CACNA2D3: variants seen among roughly 807,000 people sequenced by gnomAD.
CACNA2D3 encodes voltage-dependent calcium channel subunit alpha-2/delta-3.
A neutral mutation model predicts 160.6 loss-of-function variants in CACNA2D3; 60 were observed. The observed-to-expected ratio is 0.37, with a 90% CI of 0.30 to 0.46. The LOEUF (loss-of-function observed/expected upper bound fraction) is 0.46. Among genes scored for constraint, CACNA2D3 ranks in the 20% least tolerant of loss-of-function variants. The pLI is 1.00. For synonymous variants in CACNA2D3, 558 were observed against 492.9 expected, an observed-to-expected ratio of 1.13 and a Z score of -1.75; for missense variants, 1,205 against 1,365.0, an observed-to-expected ratio of 0.88 and a Z score of 1.85.
intron 16 of CACNA2D3, among the ~76,000 whole-genome samples, chr3:54,845,893 T>C (rs1458475773): frequency 6.6e-6 from 1 of 152,144 alleles, no homozygotes; most frequent in Non-Finnish European, 1.5e-5. Context: ...ACACTTTATA[T>C]TTGAAGAATT....
chr3:54,615,041 C>T (rs888417798), intron 9 of CACNA2D3, among the ~76,000 whole-genome samples: 3 of 152,258 alleles, frequency 2.0e-5, no homozygotes, highest in East Asian at 1.9e-4. Context: ...AAGAAATGAA[C>T]GGCAGCTAAC....
At chr3:54,750,177 T>A (rs34478567) in intron 11 of CACNA2D3, among the ~76,000 whole-genome samples, 24,112 of 152,230 alleles carry the variant, frequency 0.16, 2,153 homozygotes, top group Non-Finnish European at 0.2. Context: ...CCAAGAGAAC[T>A]CAGTTTATAT....
At chr3:54,759,753 G>C (rs1054326160) in intron 12 of CACNA2D3, among the ~76,000 whole-genome samples, 1 of 152,102 alleles carries the variant, frequency 6.6e-6, no homozygotes, top group African/African-American at 2.4e-5. Flanking sequence ...GCTACAATAC[G>C]CAAATAGCCC....
chr3:54,572,077 TG>T (rs67536241), intron 8 of CACNA2D3, among the ~76,000 whole-genome samples: 53,920 of 151,892 alleles, frequency 0.35, 10,597 homozygotes, highest in Middle Eastern at 0.48. Context: ...GGCTGCCTTC[TG>T]CATAGGCGTG....
intron 29 of CACNA2D3, among the ~76,000 whole-genome samples, chr3:54,983,469 C>T (rs1164105783): frequency 1.3e-5 from 2 of 152,218 alleles, no homozygotes; most frequent in African/African-American, 4.8e-5. Flanking sequence ...AGGCCAAGAG[C>T]TTCTTCAAAT....
intron 11 of CACNA2D3, among the ~76,000 whole-genome samples, chr3:54,679,292 A>G (rs1466634955): frequency 1.3e-5 from 2 of 152,112 alleles, no homozygotes; most frequent in African/African-American, 4.8e-5. Flanking sequence ...TGCTCTAGGC[A>G]TTTTCTTGGG....
chr3:54,368,235 C>T (rs189492605), intron 3 of CACNA2D3, among the ~76,000 whole-genome samples: 1 of 152,110 alleles, frequency 6.6e-6, no homozygotes. Context: ...TTTGGAAGGC[C>T]GAGGTGGGAG....
At chr3:54,869,204 T>C (rs1699469543) in intron 17 of CACNA2D3, among the ~76,000 whole-genome samples, 1 of 152,226 alleles carries the variant, frequency 6.6e-6, no homozygotes, top group African/African-American at 2.4e-5. Context: ...TGAAATAACA[T>C]GAGGCTTAGA....
At chr3:54,822,779 TTTCTTTCTTTCC>T (rs1425922937) in intron 14 of CACNA2D3, among the ~76,000 whole-genome samples, 99 of 88,004 alleles carry the variant, frequency 1.1e-3, no homozygotes, top group African/African-American at 3.6e-3. Flanking sequence ...TCTTTCTTTC[TTTCTTTCTTTCC>T]TTTCTTTCTT....
At chr3:54,252,966 C>A (rs1461833676) in intron 2 of CACNA2D3, among the ~76,000 whole-genome samples, 1 of 152,214 alleles carries the variant, frequency 6.6e-6, no homozygotes. Context: ...CCCACACTTT[C>A]AGAGACTTTG....
Position 55,074,227 on chromosome 3 carries a change from T to TGGC in CACNA2D3, c.*21_*22insGGC. 5.0e-6 allele frequency: 5 copies of TGGC among 1,004,250 alleles called. No individual in the cohort carries two copies. The highest frequency in any genetic ancestry group is 7.2e-6 in the Non-Finnish European group (5 of 695,558). 62.2% of individuals were successfully genotyped at this position (1,004,250 alleles called of 1,614,324 possible). A position where few individuals can be genotyped will look rare whatever the true frequency, so the allele number is the denominator to read the frequency against. On this transcript the variant is annotated 3_prime_UTR_variant, in exon 38 of 38. Coordinates refer to ENST00000474759, the MANE Select transcript of CACNA2D3 (RefSeq NM_018398.3). ...GGTGACACTGACTGAGATGTTCTCT[T>TGGC]ACTGACTGAGATGTTCTCTTGGCAT...
intron 12 of CACNA2D3, among the ~76,000 whole-genome samples, chr3:54,762,516 G>T (rs114043677): frequency 2.2e-4 from 33 of 152,312 alleles, no homozygotes; most frequent in Admixed American, 1.4e-3. Context: ...AGGCCCCAGG[G>T]GGGGCAGGGG....
chr3:54,816,218 C>T lies in CACNA2D3; in HGVS notation c.1381-635C>T, dbSNP rs79309440. ...CTTCCTTAACCATCAATAAAGGGAA[C>T]AGTTAATGTGCTACAAAGCAAGAAA... On this transcript the variant is annotated intron_variant, in intron 13 of 37. Transcript: ENST00000474759. Among the ~76,000 whole-genome samples the T allele has an allele frequency of 3.8e-3, 575 of 152,226 alleles. 4 individuals are homozygous for T. Among genetic ancestry groups the T allele is most frequent in the African/African-American group, 0.012 (505 of 41,534 alleles).
intron 4 of CACNA2D3, among the ~76,000 whole-genome samples, chr3:54,489,287 A>T (rs767935279): frequency 8.5e-5 from 13 of 152,170 alleles, no homozygotes; most frequent in Non-Finnish European, 1.3e-4. Context: ...AGGGGCCCAA[A>T]GTGGGTGCTG....
chr3:54,393,813 A>T (rs558932389), intron 4 of CACNA2D3, among the ~76,000 whole-genome samples: 2 of 152,350 alleles, frequency 1.3e-5, no homozygotes, highest in Admixed American at 1.3e-4. Context: ...ACCTTGCCCT[A>T]CTGGCTGAAG....
intron 11 of CACNA2D3, among the ~76,000 whole-genome samples, chr3:54,743,078 G>A (rs1381827260): frequency 6.6e-6 from 1 of 152,180 alleles, no homozygotes; most frequent in Non-Finnish European, 1.5e-5. Context: ...ATAAATTCAA[G>A]TATGTCCCAT....
intron 4 of CACNA2D3, among the ~76,000 whole-genome samples, chr3:54,456,814 T>C: frequency 6.6e-6 from 1 of 152,004 alleles, no homozygotes. Context: ...TATTTCTTCT[T>C]GGCAAAATCT....
chr3:54,657,229 C>G (rs920091318), intron 11 of CACNA2D3, among the ~76,000 whole-genome samples: 1 of 152,054 alleles, frequency 6.6e-6, no homozygotes, highest in Admixed American at 6.6e-5. Flanking sequence ...GGCAGGAACC[C>G]GCGGTCTGGA....
chr3:54,861,413 G>T (rs1304790535), intron 17 of CACNA2D3, among the ~76,000 whole-genome samples: 1 of 152,170 alleles, frequency 6.6e-6, no homozygotes, highest in African/African-American at 2.4e-5. Context: ...ACAGTGAGAG[G>T]CAGGGAGTGG....
Sources: allele counts gnomAD v4.1 joint callset (sites outside exome capture counted in the v4.1 genomes callset), GRCh38; gene constraint gnomAD v4.1.1; transcripts MANE v1.5; gene names NCBI Gene and HGNC (gene_info 2026-07-23, HGNC 2026-07-21).